NDFIP2: variants seen among roughly 807,000 people sequenced by gnomAD.
NDFIP2 encodes the protein NEDD4 family-interacting protein 2.
Under a neutral mutation model 36.0 loss-of-function variants are expected in NDFIP2, and 19 were observed. The ratio of observed to expected loss-of-function variants is 0.53; its 90% CI spans 0.37 to 0.77. The LOEUF (loss-of-function observed/expected upper bound fraction) is 0.77. NDFIP2 is among the 30% of genes least tolerant of loss of function. The pLI is 0.00. For missense variants in NDFIP2, 446 were observed against 435.8 expected, an observed-to-expected ratio of 1.02 and a Z score of -0.21; for synonymous variants, 181 against 167.7, an observed-to-expected ratio of 1.08 and a Z score of -0.61.
intron 1 of NDFIP2, among the ~76,000 whole-genome samples, chr13:79,511,901 T>C (rs558876729): frequency 9.2e-5 from 14 of 152,304 alleles, no homozygotes; most frequent in African/African-American, 3.4e-4. Flanking sequence ...AAGGAAATGG[T>C]TGCAGTTAGA....
intron 1 of NDFIP2, among the ~76,000 whole-genome samples, chr13:79,492,328 C>T (rs1192098621): frequency 6.7e-6 from 1 of 150,244 alleles, no homozygotes; most frequent in Non-Finnish European, 1.5e-5. Flanking sequence ...CTCCTCACCT[C>T]GGGAGAGCTT....
intron 2 of NDFIP2, among the ~76,000 whole-genome samples, chr13:79,522,042 A>G (rs1339818166): frequency 1.3e-5 from 2 of 151,988 alleles, no homozygotes; most frequent in African/African-American, 4.8e-5. Context: ...GTTAGCCAGG[A>G]TGGTCTCTAT....
At chr13:79,542,401 A>G (rs1041626013) in intron 4 of NDFIP2, among the ~76,000 whole-genome samples, 3 of 152,228 alleles carry the variant, frequency 2.0e-5, no homozygotes, top group African/African-American at 4.8e-5. Context: ...ACTGTCTTCC[A>G]AAGTGGCTGT....
chr13:79,540,442 T>G (rs1195807467), intron 4 of NDFIP2, among the ~76,000 whole-genome samples: 1 of 152,202 alleles, frequency 6.6e-6, no homozygotes, highest in Admixed American at 6.5e-5. Flanking sequence ...CCCAATCAAC[T>G]GTTTAAATTA....
intron 1 of NDFIP2, among the ~76,000 whole-genome samples, chr13:79,494,809 C>T (rs1448451903): frequency 6.6e-6 from 1 of 151,946 alleles, no homozygotes; most frequent in African/African-American, 2.4e-5. Flanking sequence ...TGACATAAAG[C>T]TCATTTTAAT....
intron 1 of NDFIP2, 28 bp downstream of exon 1, chr13:79,481,552 G>C: frequency 6.6e-7 from 1 of 1,525,042 alleles, no homozygotes; most frequent in Non-Finnish European, 8.8e-7. Context: ...TGTGCCTCCC[G>C]GGACTGCCTC....
intron 6 of NDFIP2, among the ~76,000 whole-genome samples, chr13:79,550,687 G>A (rs1296631996): frequency 6.6e-6 from 1 of 151,358 alleles, no homozygotes; most frequent in Non-Finnish European, 1.5e-5. Flanking sequence ...TGGGTTCAAT[G>A]GGGTTTTTAT....
chr13:79,494,697 G>GTC (rs1873372448), intron 1 of NDFIP2, among the ~76,000 whole-genome samples: 1 of 151,840 alleles, frequency 6.6e-6, no homozygotes, highest in Non-Finnish European at 1.5e-5. Flanking sequence ...TAAGTCTTTT[G>GTC]TTGTTTTGTT....
chr13:79,549,139 A>G (rs1365109955), intron 6 of NDFIP2, among the ~76,000 whole-genome samples: 2 of 151,946 alleles, frequency 1.3e-5, no homozygotes, highest in African/African-American at 4.8e-5. Context: ...CTTCTCTCTG[A>G]GTTTTTATTT....
chr13:79,544,599 T>A (rs1196333596), intron 5 of NDFIP2, among the ~76,000 whole-genome samples: 2 of 152,048 alleles, frequency 1.3e-5, no homozygotes, highest in African/African-American at 4.8e-5. Context: ...AATGCTGTTA[T>A]ACAATTAATA....
At chr13:79,489,848 A>G (rs1307966792) in intron 1 of NDFIP2, among the ~76,000 whole-genome samples, 3 of 152,228 alleles carry the variant, frequency 2.0e-5, no homozygotes, top group Non-Finnish European at 2.9e-5. Context: ...TGGAACTGTC[A>G]TTTATAACTC....
Position 79,481,456 on chromosome 13 carries a change from T to C in NDFIP2, c.253T>C (p.Ser85Pro), listed in dbSNP as rs1465497446. 8.3e-6 allele frequency: 13 copies of C among 1,562,976 alleles called. No homozygotes were observed. Among genetic ancestry groups the C allele is most frequent in the Non-Finnish European group, 1.1e-5 (13 of 1,153,248 alleles). The change falls in exon 1 of 8, where the codon TCT becomes CCT. Residue 85 changes from serine (S) to proline (P), a missense_variant. Ser to Pro is a moderately conservative substitution (Grantham distance 74, BLOSUM62 -1). This residue lies in a region of NDFIP2 where 369 missense variants were observed against 304.8 expected (regional missense o/e 1.21). Transcript: ENST00000218652. ...VGAEHGEDSL[S>P]RKPDPEPGRM... ...AGCTGAGCACGGAGAAGACTCCCTC[T>C]CTCGGAAGCCGGATCCCGAGCCGGG...
chr13:79,498,907 T>G (rs367671566), intron 1 of NDFIP2, among the ~76,000 whole-genome samples: 34 of 151,902 alleles, frequency 2.2e-4, no homozygotes, highest in African/African-American at 8.0e-4. Context: ...GCTAACTCAT[T>G]CTCTGAGGCC....
intron 1 of NDFIP2, among the ~76,000 whole-genome samples, chr13:79,505,168 A>G (rs573441730): frequency 3.9e-5 from 6 of 152,338 alleles, no homozygotes; most frequent in African/African-American, 1.4e-4. Flanking sequence ...TACTGCCATA[A>G]TGGCTTACTG....
intron 1 of NDFIP2, among the ~76,000 whole-genome samples, chr13:79,497,550 T>A (rs1024482457): frequency 1.8e-4 from 28 of 152,100 alleles, no homozygotes; most frequent in African/African-American, 6.3e-4. Flanking sequence ...TTTATTTTTT[T>A]AAATTCTTTT....
chr13:79,534,297 A>T (rs763321549), intron 3 of NDFIP2, among the ~76,000 whole-genome samples: 3 of 151,130 alleles, frequency 2.0e-5, no homozygotes, highest in Non-Finnish European at 4.4e-5. Context: ...AACTCAAGGT[A>T]GCCAAAAAAC....
At chr13:79,550,197 G>C (rs1466529077) in intron 6 of NDFIP2, among the ~76,000 whole-genome samples, 2 of 151,598 alleles carry the variant, frequency 1.3e-5, no homozygotes, top group East Asian at 3.9e-4. Context: ...GTATTTCAAA[G>C]GCTTATACTA....
At chr13:79,509,999 C>G (rs1874020666) in intron 1 of NDFIP2, among the ~76,000 whole-genome samples, 1 of 152,176 alleles carries the variant, frequency 6.6e-6, no homozygotes, top group Non-Finnish European at 1.5e-5. Context: ...AAATGTTAAT[C>G]TCCTTTGGCA....
At chr13:79,534,587 G>A (rs1875158422) in intron 3 of NDFIP2, among the ~76,000 whole-genome samples, 1 of 152,000 alleles carries the variant, frequency 6.6e-6, no homozygotes. Context: ...ATTTTAGTGT[G>A]GCTGCAAGGA....
Sources: allele counts gnomAD v4.1 joint callset (sites outside exome capture counted in the v4.1 genomes callset), GRCh38; gene constraint gnomAD v4.1.1; regional missense constraint gnomAD v4.1.1; transcripts MANE v1.5; gene names NCBI Gene and HGNC (gene_info 2026-07-23, HGNC 2026-07-21).